The following CDC27 variants were observed in gnomAD, a reference collection of about 807,000 sequenced individuals.
The protein encoded by CDC27 is cell division cycle 27, also known as cell division cycle protein 27 homolog.
CDC27 carries 27 observed loss-of-function variants against 109.7 expected under a neutral mutation model. The observed-to-expected ratio is 0.25, with a 90% confidence interval of 0.18 to 0.34. The LOEUF (loss-of-function observed/expected upper bound fraction) is 0.34, where lower values mean the gene tolerates loss of function less well. Ranked by LOEUF, CDC27 falls within the 10% of genes least tolerant of loss-of-function variation. CDC27 has a pLI of 1.00. For synonymous variants in CDC27, 266 were observed against 333.9 expected (o/e 0.80, Z 2.22); for missense variants, 579 against 960.2 (o/e 0.60, Z 5.25).
rs540160297 is a variant in CDC27, at chr17:47,120,761, T to C, written c.*174A>G. 5.7e-5 allele frequency: 30 copies of C among 523,608 alleles called. 1 individual carries two copies. In the South Asian group the frequency reaches 8.8e-4, roughly 15 times the overall value. The allele number at this position is 523,608 out of a possible 1,614,324, so 32.4% of individuals were successfully genotyped here. On this transcript the variant is annotated 3_prime_UTR_variant, in exon 19 of 19. Coordinates refer to ENST00000066544, the MANE Select transcript of CDC27 (RefSeq NM_001256.6). ...AGCCAGTCTTGTTAGCAGCTAAATA[T>C]TGCACTGCCTTTCATTCTGTATACA...
At chr17:47,137,882 C>A (rs962854144) in intron 13 of CDC27, among the ~76,000 whole-genome samples, 3 of 151,604 alleles carry the variant, frequency 2.0e-5, no homozygotes, top group Non-Finnish European at 4.4e-5. Flanking sequence ...CTCAATGCAA[C>A]CTCCGCCACC....
At chr17:47,122,720 C>G in intron 17 of CDC27, 120 bp from the exon 18 acceptor site, 1 of 681,078 alleles carries the variant, frequency 1.5e-6, no homozygotes, top group East Asian at 3.5e-5. Flanking sequence ...ATTACCCAGG[C>G]TAGAGTGCAA....
At chr17:47,123,402 C>CTTTTTTTTTTTTTTTT (rs57868315) in intron 17 of CDC27, among the ~76,000 whole-genome samples, 1 of 123,002 alleles carries the variant, frequency 8.1e-6, no homozygotes, top group African/African-American at 3.0e-5. Flanking sequence ...TTTTTTTCTA[C>CTTTTTTTTTTTTTTTT]TTTTTTTTTT....
At chr17:47,146,611 TG>T (rs1280380623) in intron 9 of CDC27, among the ~76,000 whole-genome samples, 1 of 152,150 alleles carries the variant, frequency 6.6e-6, no homozygotes, top group African/African-American at 2.4e-5. Flanking sequence ...ACTTCCTCAA[TG>T]GTGGGACAAG....
At chr17:47,159,194 T>C (rs2063413852) in intron 4 of CDC27, 2 of 432,314 alleles carry the variant, frequency 4.6e-6, no homozygotes, top group South Asian at 1.4e-4. Flanking sequence ...AAAAACCCTA[T>C]GTTGTAGCCA....
intron 4 of CDC27, among the ~76,000 whole-genome samples, chr17:47,158,595 T>C (rs1244026405): frequency 1.3e-5 from 2 of 151,898 alleles, no homozygotes; most frequent in Non-Finnish European, 1.5e-5. Context: ...GTGAAAAACA[T>C]CCAAATCCTT....
At chr17:47,168,866 C>T (rs995536811) in intron 4 of CDC27, among the ~76,000 whole-genome samples, 12 of 151,958 alleles carry the variant, frequency 7.9e-5, no homozygotes, top group African/African-American at 1.2e-4. Flanking sequence ...AAAACAGATG[C>T]TATCCTAGTT....
At chr17:47,170,289 C>T (rs2063775400) in intron 3 of CDC27, 1 of 237,402 alleles carries the variant, frequency 4.2e-6, no homozygotes, top group Non-Finnish European at 8.1e-6. Flanking sequence ...CCTCAAATTC[C>T]TGGACTCAGG....
At chr17:47,178,061 C>A (rs760406306) in intron 2 of CDC27, among the ~76,000 whole-genome samples, 3 of 152,058 alleles carry the variant, frequency 2.0e-5, no homozygotes, top group Non-Finnish European at 4.4e-5. Flanking sequence ...TACATGCTTA[C>A]AATGGGGGAA....
chr17:47,144,421 C>G (rs2062891968), intron 9 of CDC27, among the ~76,000 whole-genome samples: 1 of 151,944 alleles, frequency 6.6e-6, no homozygotes, highest in African/African-American at 2.4e-5. Flanking sequence ...TTATTTTTAC[C>G]CTTCATTTGC....
At chr17:47,179,157 G>T (rs1367343996) in intron 2 of CDC27, among the ~76,000 whole-genome samples, 1 of 152,178 alleles carries the variant, frequency 6.6e-6, no homozygotes, top group Non-Finnish European at 1.5e-5. Flanking sequence ...GGGCGACAAA[G>T]AACTAGTGAA....
At chr17:47,177,148 T>C (rs1214912004) in intron 2 of CDC27, among the ~76,000 whole-genome samples, 1 of 152,172 alleles carries the variant, frequency 6.6e-6, no homozygotes, top group African/African-American at 2.4e-5. Context: ...TTAAAATGCA[T>C]TCAAGTAGGG....
At position 47,189,204 on chromosome 17, in the gene CDC27, C is replaced by G. The variant is rs368559383; in HGVS notation, c.-32G>C. On this transcript the variant is annotated 5_prime_UTR_variant, in exon 1 of 19. Transcript: ENST00000066544. ...GGCTCAGGCCCACTTTCTGCAGTGC[C>G]TCAGGCCCCCCCTGTAGCGGCTCCG... 3 of 1,588,360 alleles carry G rather than the reference C, an allele frequency of 1.9e-6. No homozygotes were observed. The African/African-American group carries it at 4.0e-5, about 21-fold the overall frequency.
At chr17:47,174,691 T>C (rs772569183) in intron 2 of CDC27, among the ~76,000 whole-genome samples, 1 of 151,832 alleles carries the variant, frequency 6.6e-6, no homozygotes, top group Non-Finnish European at 1.5e-5. Flanking sequence ...ACAAACAAAT[T>C]AAGCCTGTAA....
At chr17:47,138,718 A>G (rs768301440) in intron 13 of CDC27, 21 bp downstream of exon 13, 3 of 1,580,894 alleles carry the variant, frequency 1.9e-6, no homozygotes, top group Non-Finnish European at 2.6e-6. Flanking sequence ...CTATATAAGC[A>G]AAGTATTTTG....
chr17:47,135,444 G>T (rs2062550494), intron 14 of CDC27, among the ~76,000 whole-genome samples: 1 of 151,818 alleles, frequency 6.6e-6, no homozygotes, highest in African/African-American at 2.4e-5. Context: ...TGATGATGAT[G>T]ATGATGGGGA....
chr17:47,184,760 C>T (rs116666314), intron 1 of CDC27, among the ~76,000 whole-genome samples: 3,483 of 152,144 alleles, frequency 0.023, 48 homozygotes, highest in Middle Eastern at 0.075. Flanking sequence ...TCTCTTGTGC[C>T]GGGATTGGGG....
intron 1 of CDC27, among the ~76,000 whole-genome samples, chr17:47,184,221 T>C (rs527792960): frequency 1.4e-3 from 209 of 152,306 alleles, no homozygotes; most frequent in Non-Finnish European, 2.5e-3. Flanking sequence ...TTTATTGGAG[T>C]TGTTTTGTGG....
chr17:47,175,341 A>G (rs2063967713), intron 2 of CDC27, among the ~76,000 whole-genome samples: 1 of 152,190 alleles, frequency 6.6e-6, no homozygotes, highest in Admixed American at 6.5e-5. Context: ...ACCAATTTTG[A>G]CAAATTTAAA....
Sources: allele counts gnomAD v4.1 joint callset (sites outside exome capture counted in the v4.1 genomes callset), GRCh38; gene constraint gnomAD v4.1.1; transcripts MANE v1.5; gene names NCBI Gene and HGNC (gene_info 2026-07-23, HGNC 2026-07-21).